DNAH11: variants seen among roughly 807,000 people sequenced by gnomAD.
DNAH11 encodes axonemal beta dynein heavy chain 11.
In DNAH11, 442 loss-of-function variants were observed where a neutral mutation model predicts 526.0. The ratio of observed to expected loss-of-function variants is 0.84; its 90% CI spans 0.78 to 0.91. DNAH11 has a LOEUF of 0.91. Ranked by LOEUF, DNAH11 falls within the 40% of genes least tolerant of loss-of-function variation. The pLI is 0.00. For synonymous variants in DNAH11, 2,461 were observed against 1,935.9 expected (o/e 1.27, Z -7.12); for missense variants, 6,989 against 5,448.7 (o/e 1.28, Z -8.90).
chr7:21,887,504 C>T lies in DNAH11; in HGVS notation c.12507+3094C>T, dbSNP rs78196998. On this transcript the variant is annotated intron_variant, in intron 76 of 81. Coordinates refer to ENST00000409508, the MANE Select transcript of DNAH11 (RefSeq NM_001277115.2). ...CAAAGACAAAAAACACCTGGGTTCA[C>T]ACTGAAGTACCTCTATGTATTTGCC... 9.2e-3 allele frequency among the ~76,000 whole-genome samples: 1,398 copies of T among 152,256 alleles called. 24 individuals are homozygous for T. Among genetic ancestry groups the T allele is most frequent in the African/African-American group, 0.031 (1,304 of 41,542 alleles).
At chr7:21,866,337 G>C in intron 70 of DNAH11, 133 bp from the exon 71 acceptor site, 1 of 661,360 alleles carries the variant, frequency 1.5e-6, no homozygotes, top group Admixed American at 4.2e-5. Context: ...AAAAAAAAAG[G>C]AAATCTGAAG....
intron 54 of DNAH11, among the ~76,000 whole-genome samples, chr7:21,764,485 C>T (rs575160014): frequency 2.8e-5 from 1 of 36,178 alleles, no homozygotes; most frequent in East Asian, 9.9e-4. Context: ...GATTCTCCCT[C>T]TTAGACCTTA....
At chr7:21,839,417 T>C (rs1192096956) in intron 65 of DNAH11, among the ~76,000 whole-genome samples, 5 of 151,526 alleles carry the variant, frequency 3.3e-5, no homozygotes, top group African/African-American at 1.2e-4. Context: ...TACTAAAAAA[T>C]ACAAAAAATT....
intron 2 of DNAH11, among the ~76,000 whole-genome samples, chr7:21,546,819 C>T (rs569573509): frequency 4.1e-4 from 63 of 152,216 alleles, no homozygotes; most frequent in African/African-American, 1.3e-3. Flanking sequence ...TTGGAAATTC[C>T]AATTTAAAAA....
intron 67 of DNAH11, 53 bp from the exon 68 acceptor site, chr7:21,854,262 G>A (rs142516397): frequency 4.3e-5 from 68 of 1,585,074 alleles, no homozygotes; most frequent in African/African-American, 3.2e-4. Flanking sequence ...TTGGATATGC[G>A]TAGAGAATAT....
At chr7:21,783,175 T>C (rs1210817237) in intron 57 of DNAH11, among the ~76,000 whole-genome samples, 1 of 152,176 alleles carries the variant, frequency 6.6e-6, no homozygotes. Context: ...GGTCCATTCC[T>C]GGCAGCTTTT....
chr7:21,707,214 C>G (rs1194745810), intron 39 of DNAH11, among the ~76,000 whole-genome samples: 1 of 152,108 alleles, frequency 6.6e-6, no homozygotes, highest in Non-Finnish European at 1.5e-5. Context: ...TTAGCTGGGC[C>G]CTTGTTGGAA....
intron 79 of DNAH11, 126 bp from the exon 80 acceptor site, chr7:21,899,210 T>C (rs1784645651): frequency 2.7e-6 from 2 of 733,472 alleles, no homozygotes; most frequent in Non-Finnish European, 4.9e-6. Context: ...GGGAAGGATT[T>C]TACCAGCTAG....
intron 61 of DNAH11, among the ~76,000 whole-genome samples, chr7:21,790,594 A>G (rs28375717): frequency 0.14 from 21,273 of 152,210 alleles, 2,332 homozygotes; most frequent in African/African-American, 0.3. Context: ...ACACCATGAA[A>G]TACCGAGCCC....
chr7:21,834,946 A>G lies in DNAH11; in HGVS notation c.10692-7598A>G, dbSNP rs141156754. ...TCAAATCAGAGACGAAAAACAAAAC[A>G]TAACTGATACCACAGTAATAACAGA... On this transcript the variant is annotated intron_variant, in intron 65 of 81. Coordinates refer to ENST00000409508, the MANE Select transcript of DNAH11 (RefSeq NM_001277115.2). Among the ~76,000 whole-genome samples the G allele has an allele frequency of 2.7e-3, 404 of 152,300 alleles. 2 individuals carry two copies. Among genetic ancestry groups the G allele is most frequent in the African/African-American group, 9.1e-3 (378 of 41,568 alleles).
chr7:21,574,555 C>A (rs1784012036), intron 8 of DNAH11, among the ~76,000 whole-genome samples: 1 of 146,780 alleles, frequency 6.8e-6, no homozygotes, highest in Non-Finnish European at 1.5e-5. Flanking sequence ...TCCCTCCCTC[C>A]CTTCCTTCCT....
chr7:21,589,826 G>C (rs1021340719), intron 12 of DNAH11, among the ~76,000 whole-genome samples: 1 of 152,190 alleles, frequency 6.6e-6, no homozygotes, highest in Non-Finnish European at 1.5e-5. Context: ...ATTTCATCAC[G>C]TAAGTTAAGA....
At chr7:21,548,092 A>ACCCAGCATAAC (rs1191775927) in intron 2 of DNAH11, among the ~76,000 whole-genome samples, 1 of 144,638 alleles carries the variant, frequency 6.9e-6, no homozygotes, top group Admixed American at 6.8e-5. Context: ...CCTTCTACCC[A>ACCCAGCATAAC]ACCCATTAAT....
rs368010304 is a variant in DNAH11 at position 21,784,502 on chromosome 7, C to G, written c.9559C>G (p.Leu3187Val). 1 of 1,613,086 alleles carries G rather than the reference C, an allele frequency of 6.2e-7. No individual in the cohort carries two copies. Among genetic ancestry groups the G allele is most frequent in the African/African-American group, 1.3e-5 (1 of 74,902 alleles). ...TGACTTACTCAAGGCTGAGCCTGCA[C>G]TGGTGGCTGCTACAGCTGCACTCAA... ...EADLLKAEPA[L>V]VAATAALNTL... The change falls in exon 58 of 82, where the codon CTG (leucine) becomes GTG (valine). Residue 3187 changes from leucine (L) to valine (V), a missense_variant. Coordinates refer to ENST00000409508, the MANE Select transcript of DNAH11 (RefSeq NM_001277115.2).
intron 71 of DNAH11, 85 bp from the exon 72 acceptor site, chr7:21,867,774 C>G (rs1448869711): frequency 7.8e-7 from 1 of 1,274,850 alleles, no homozygotes; most frequent in Non-Finnish European, 1.1e-6. Context: ...CTATCGTGTG[C>G]CTGTGTGGTT....
rs375661112 is a variant in DNAH11, at chr7:21,636,014, C to T, written c.4644C>T (p.Ser1548=). ...EVQRTWSHLE[S]IFVCSEDIRI... ...AGCGAACTTGGTCTCACCTGGAAAG[C>T]ATTTTTGTCTGTTCAGAAGATATTC... The change falls in exon 26 of 82, where the codon AGC becomes AGT. Residue 1548 remains serine, a synonymous_variant. Coordinates refer to ENST00000409508, the MANE Select transcript of DNAH11 (RefSeq NM_001277115.2). The T allele has an allele frequency of 2.5e-6, 4 of 1,613,710 alleles. No individual in the cohort carries two copies. Among genetic ancestry groups the T allele is most frequent in the Non-Finnish European group, 3.4e-6 (4 of 1,179,784 alleles).
At chr7:21,900,650 T>TTCTGGTGTAA (rs1784756426) in intron 81 of DNAH11, among the ~76,000 whole-genome samples, 1 of 152,148 alleles carries the variant, frequency 6.6e-6, no homozygotes. Context: ...GTGCCACAAG[T>TTCTGGTGTAA]TCTGGTGTAA....
At position 21,750,165 on chromosome 7, in the gene DNAH11, T is replaced by C. The variant is rs887931896; in HGVS notation, c.8798-57T>C. On this transcript the variant is annotated intron_variant, in intron 53 of 81. Transcript: ENST00000409508. ...AAACATTTCAAACGTTTAAAAGTTA[T>C]ATGTAAAATTTAAATTGCAATGATC... 43 of 1,501,962 alleles carry C rather than the reference T, an allele frequency of 2.9e-5. No individual in the cohort carries two copies. The African/African-American group carries it at 4.5e-4, about 16-fold the overall frequency. The allele number at this position is 1,501,962 out of a possible 1,614,324, so 93.0% of individuals were successfully genotyped here.
At chr7:21,858,801 G>A (rs1782951893) in intron 68 of DNAH11, among the ~76,000 whole-genome samples, 1 of 152,082 alleles carries the variant, frequency 6.6e-6, no homozygotes, top group Non-Finnish European at 1.5e-5. Context: ...GATTGCTACG[G>A]TTATTGTTAG....
Sources: gnomAD v4.1 joint callset for allele counts (sites outside exome capture counted in the v4.1 genomes callset) on GRCh38, gnomAD v4.1.1 for gene constraint, MANE v1.5 for transcripts, NCBI Gene and HGNC (gene_info 2026-07-23, HGNC 2026-07-21) for gene names.